The following BICRA variants were observed in gnomAD, a reference collection of about 807,000 sequenced individuals.
The protein encoded by BICRA is BRD4-interacting chromatin-remodeling complex-associated protein.
BICRA carries 31 observed loss-of-function variants against 96.9 expected under a neutral mutation model. The ratio of observed to expected loss-of-function variants is 0.32; its 90% CI spans 0.24 to 0.43. BICRA has a LOEUF of 0.43. BICRA is among the 20% of genes least tolerant of loss of function. The probability of loss-of-function intolerance (pLI) is 1.00; values close to 1 mark genes in which losing one functional copy is unlikely to be tolerated. For synonymous variants in BICRA, 1,350 were observed against 1,071.8 expected (o/e 1.26, Z -5.07); for missense variants, 2,283 against 2,190.3 (o/e 1.04, Z -0.84).
Position 47,623,904 on chromosome 19 carries a change from T to C in BICRA, c.-108+14736T>C, listed in dbSNP as rs566197382. 1.1e-3 allele frequency among the ~76,000 whole-genome samples: 165 copies of C among 150,306 alleles called. No homozygotes were observed. In the Middle Eastern group the frequency reaches 0.014, roughly 12 times the overall value. Reference sequence around the variant, plus strand: ...TTAGTTCTTGTTGCCCAGGCTGGAGTGCAGTGGCGCGATCTTGGCTCACCG... The same window carrying C: ...TTAGTTCTTGTTGCCCAGGCTGGAGCGCAGTGGCGCGATCTTGGCTCACCG... On this transcript the variant is annotated intron_variant, in intron 1 of 14. Transcript: ENST00000594866.
At chr19:47,660,282 C>T (rs866368655) in intron 1 of BICRA, among the ~76,000 whole-genome samples, 29 of 152,118 alleles carry the variant, frequency 1.9e-4, no homozygotes, top group African/African-American at 6.8e-4. Flanking sequence ...TCCTTCTTCA[C>T]ATGGCCTTCT....
At chr19:47,620,690 C>T (rs75521082) in intron 1 of BICRA, among the ~76,000 whole-genome samples, 1 of 81,844 alleles carries the variant, frequency 1.2e-5, no homozygotes, top group Non-Finnish European at 2.6e-5. Context: ...AAAAAAAAAA[C>T]AAGAACAAAA....
At chr19:47,683,805 C>T (rs968869004) in intron 7 of BICRA, among the ~76,000 whole-genome samples, 1 of 152,092 alleles carries the variant, frequency 6.6e-6, no homozygotes, top group Non-Finnish European at 1.5e-5. Context: ...AGGATGGTCT[C>T]GATCTCCTGA....
At chr19:47,627,559 C>A (rs909777204) in intron 1 of BICRA, among the ~76,000 whole-genome samples, 1 of 152,134 alleles carries the variant, frequency 6.6e-6, no homozygotes, top group Non-Finnish European at 1.5e-5. Flanking sequence ...AGCACTTCTG[C>A]GAAGATTTCT....
At chr19:47,642,863 G>T (rs141239493) in intron 1 of BICRA, among the ~76,000 whole-genome samples, 6 of 152,364 alleles carry the variant, frequency 3.9e-5, no homozygotes, top group African/African-American at 1.4e-4. Flanking sequence ...TAACGGGTAT[G>T]TAGTAATATC....
At chr19:47,616,973 T>C (rs771452544) in intron 1 of BICRA, among the ~76,000 whole-genome samples, 4 of 151,794 alleles carry the variant, frequency 2.6e-5, no homozygotes, top group Non-Finnish European at 5.9e-5. Context: ...TGGCTACAGA[T>C]GTGGGCCACG....
chr19:47,694,360 TC>T lies in BICRA; in HGVS notation c.2534del (p.Pro845ArgfsTer102). ...IFVIQNQLGV[P>X]PPASNPAPTA... ...TTGTCATCCAAAACCAGCTAGGCGT[TC>T]CCCCGCCTGCCAGCAACCCGGCCCC... is the stretch of plus-strand genomic sequence containing the variant. On this transcript the variant is annotated frameshift_variant, in exon 8 of 15. Coordinates refer to ENST00000594866, the MANE Select transcript of BICRA (RefSeq NM_001394372.1). LOFTEE classifies it high-confidence loss of function. 2.5e-5 allele frequency: 30 copies of T among 1,193,770 alleles called. No individual in the cohort carries two copies. Among genetic ancestry groups the T allele is most frequent in the Non-Finnish European group, 3.4e-5 (29 of 858,044 alleles). The allele number at this position is 1,193,770 out of a possible 1,614,324, so 73.9% of individuals were successfully genotyped here.
intron 7 of BICRA, among the ~76,000 whole-genome samples, chr19:47,686,750 T>C (rs1973165232): frequency 6.6e-6 from 1 of 152,182 alleles, no homozygotes; most frequent in Non-Finnish European, 1.5e-5. Flanking sequence ...CAATGGTTAC[T>C]ATGTGTAGGG....
In BICRA at chr19:47,699,126, C is replaced by T. The variant is rs1188162030; in HGVS notation, c.3492+67C>T. On this transcript the variant is annotated intron_variant, in intron 13 of 14. Coordinates refer to ENST00000594866, the MANE Select transcript of BICRA (RefSeq NM_001394372.1). The surrounding 1 kb of genome is among the most constrained non-coding windows in gnomAD (Gnocchi z 5.0). ...GCTGGGACACTGCCCCTTTCCCTCA[C>T]CCGCTCTGGGCAAGGTGGAGCCTCC... 2 of 1,195,058 alleles carry T rather than the reference C, an allele frequency of 1.7e-6. No homozygotes were observed. Among genetic ancestry groups the T allele is most frequent in the Non-Finnish European group, 2.4e-6 (2 of 826,928 alleles). 74.0% of individuals were successfully genotyped at this position (1,195,058 alleles called of 1,614,324 possible). A position where few individuals can be genotyped will look rare whatever the true frequency, so the allele number is the denominator to read the frequency against.
intron 7 of BICRA, among the ~76,000 whole-genome samples, chr19:47,686,055 C>T (rs1568573455): frequency 6.6e-6 from 1 of 151,652 alleles, no homozygotes; most frequent in African/African-American, 2.4e-5. Context: ...CTCAGCCTCC[C>T]GAGTAGCTGG....
chr19:47,631,144 C>G (rs544256956), intron 1 of BICRA, among the ~76,000 whole-genome samples: 1 of 152,284 alleles, frequency 6.6e-6, no homozygotes, highest in African/African-American at 2.4e-5. Context: ...TAACGTTGAA[C>G]TCCTGGGTTC....
intron 1 of BICRA, among the ~76,000 whole-genome samples, chr19:47,656,069 GACACACACACAC>G (rs60179476): frequency 2.9e-4 from 38 of 132,242 alleles, no homozygotes; most frequent in African/African-American, 3.8e-4. Context: ...ATCCTGTCTC[GACACACACACAC>G]ACACACACAC....
intron 1 of BICRA, among the ~76,000 whole-genome samples, chr19:47,635,272 G>A (rs762823914): frequency 1.4e-5 from 2 of 144,680 alleles, no homozygotes; most frequent in African/African-American, 2.5e-5. Context: ...TTTTGAGACC[G>A]GGTCTGGCTC....
intron 1 of BICRA, chr19:47,662,495 AC>A (rs1306372319): frequency 2.0e-5 from 3 of 152,178 alleles, no homozygotes; most frequent in Admixed American, 6.6e-5. Flanking sequence ...ACATGGTGAA[AC>A]CCCGTCTCTA....
intron 1 of BICRA, among the ~76,000 whole-genome samples, chr19:47,624,848 C>T (rs148957128): frequency 6.6e-6 from 1 of 152,034 alleles, no homozygotes; most frequent in Non-Finnish European, 1.5e-5. Flanking sequence ...CATGTGCCAC[C>T]ATACCTGGCT....
chr19:47,610,561 T>A (rs1381557746), intron 1 of BICRA, among the ~76,000 whole-genome samples: 1 of 151,786 alleles, frequency 6.6e-6, no homozygotes, highest in East Asian at 1.9e-4. Flanking sequence ...CCTGGTGGGC[T>A]GCAGTCTGTG....
intron 1 of BICRA, among the ~76,000 whole-genome samples, chr19:47,641,609 A>C (rs1378708726): frequency 2.6e-5 from 4 of 152,164 alleles, no homozygotes; most frequent in African/African-American, 9.7e-5. Flanking sequence ...ACTGCACTCC[A>C]GCCTGGGTGA....
chr19:47,612,775 G>A lies in BICRA; in HGVS notation c.-108+3607G>A, dbSNP rs191171787. Among the ~76,000 whole-genome samples, 143 of 152,308 alleles carry A rather than the reference G, an allele frequency of 9.4e-4. 1 individual carries two copies. The Middle Eastern group carries it at 0.01, about 11-fold the overall frequency. On this transcript the variant is annotated intron_variant, in intron 1 of 14. Transcript: ENST00000594866. Reference sequence around the variant, plus strand: ...ACGGCCGAGCTGGGACTCCAAGCCAGACGGCAGAGACTAGTGGTGGGGGTT... The same window carrying A: ...ACGGCCGAGCTGGGACTCCAAGCCAAACGGCAGAGACTAGTGGTGGGGGTT...
At chr19:47,610,315 T>G (rs1012846307) in intron 1 of BICRA, among the ~76,000 whole-genome samples, 10 of 152,166 alleles carry the variant, frequency 6.6e-5, no homozygotes, top group Non-Finnish European at 1.5e-4. Context: ...AGGGGCTGCT[T>G]GGGCCTTGGT....
Sources: allele counts gnomAD v4.1 joint callset (sites outside exome capture counted in the v4.1 genomes callset), GRCh38; gene constraint gnomAD v4.1.1; non-coding constraint Gnocchi (gnomAD v3.1); transcripts MANE v1.5; gene names NCBI Gene and HGNC (gene_info 2026-07-23, HGNC 2026-07-21).